The following CACNB2 variants were observed in gnomAD, a reference collection of about 807,000 sequenced individuals.
CACNB2 encodes voltage-dependent L-type calcium channel subunit beta-2.
A neutral mutation model predicts 73.3 loss-of-function variants in CACNB2; 42 were observed. That is an observed-to-expected ratio of 0.57 (90% CI 0.45 to 0.74). The LOEUF is 0.74. CACNB2 is among the 30% of genes least tolerant of loss of function. The pLI, the probability that CACNB2 is intolerant of heterozygous loss-of-function variation, is 0.00. For synonymous variants in CACNB2, 348 were observed against 310.3 expected, an observed-to-expected ratio of 1.12 and a Z score of -1.28; for missense variants, 940 against 853.0, an observed-to-expected ratio of 1.10 and a Z score of -1.27.
At chr10:18,173,373 A>G (rs975461416) in intron 2 of CACNB2, among the ~76,000 whole-genome samples, 8 of 152,324 alleles carry the variant, frequency 5.3e-5, no homozygotes, top group Middle Eastern at 3.4e-3. Context: ...CCATTTGTAC[A>G]TTACCTAGTG....
In CACNB2 at chr10:18,417,041, A is replaced by G. The variant is rs369095743; in HGVS notation, c.333+14998A>G. On this transcript the variant is annotated intron_variant, in intron 3 of 13. Transcript: ENST00000324631. ...GAAAGCAGAAAGTGCATTAAAAAAA[A>G]AAAGACACCAGCTGAGAATGCATTA... is the stretch of plus-strand genomic sequence containing the variant. Among the ~76,000 whole-genome samples, 8 of 152,136 alleles carry G rather than the reference A, an allele frequency of 5.3e-5. No individual in the cohort carries two copies. In the East Asian group the frequency reaches 1.2e-3, roughly 22 times the overall value.
At chr10:18,410,185 C>G (rs555911488) in intron 3 of CACNB2, among the ~76,000 whole-genome samples, 5 of 152,292 alleles carry the variant, frequency 3.3e-5, no homozygotes, top group East Asian at 1.9e-4. Context: ...CTAACACTTT[C>G]TACTCTGCTA....
At chr10:18,527,310 A>C (rs978892590) in intron 9 of CACNB2, among the ~76,000 whole-genome samples, 1 of 152,098 alleles carries the variant, frequency 6.6e-6, no homozygotes, top group East Asian at 1.9e-4. Flanking sequence ...TGAAAGGTGG[A>C]GATTGCAGTG....
At chr10:18,537,215 C>T (rs1023978534) in intron 12 of CACNB2, among the ~76,000 whole-genome samples, 4 of 151,944 alleles carry the variant, frequency 2.6e-5, no homozygotes, top group African/African-American at 7.2e-5. Flanking sequence ...CTCAAACTCC[C>T]GACCTCAAGT....
intron 5 of CACNB2, among the ~76,000 whole-genome samples, chr10:18,505,659 GTTC>G (rs200779454): frequency 7.9e-5 from 12 of 152,116 alleles, no homozygotes; most frequent in Admixed American, 2.0e-4. Context: ...AATGTAAAAT[GTTC>G]TTCTTATCTT....
At chr10:18,399,470 A>C (rs1295627106) in intron 2 of CACNB2, among the ~76,000 whole-genome samples, 1 of 152,038 alleles carries the variant, frequency 6.6e-6, no homozygotes, top group Non-Finnish European at 1.5e-5. Flanking sequence ...TATTCTACGT[A>C]TTTTCTAGTA....
At chr10:18,407,828 T>G (rs1169741195) in intron 3 of CACNB2, among the ~76,000 whole-genome samples, 1 of 152,212 alleles carries the variant, frequency 6.6e-6, no homozygotes, top group Non-Finnish European at 1.5e-5. Flanking sequence ...TATAGCTTCT[T>G]GTTTTTATTC....
Position 18,211,708 on chromosome 10 carries a change from A to G in CACNB2, c.213+60733A>G, listed in dbSNP as rs189997399. ...CGGAATACTGTAGTGTGCTGCTCAC[A>G]CCTCTCTTGCTGCTAAACCTGATGG... On this transcript the variant is annotated intron_variant, in intron 2 of 13. Coordinates refer to ENST00000324631, the MANE Select transcript of CACNB2 (RefSeq NM_201596.3). Among the ~76,000 whole-genome samples, 745 of 152,232 alleles carry G rather than the reference A, an allele frequency of 4.9e-3. 6 individuals carry two copies. Among genetic ancestry groups the G allele is most frequent in the African/African-American group, 0.016 (660 of 41,540 alleles).
intron 2 of CACNB2, among the ~76,000 whole-genome samples, chr10:18,370,254 C>T (rs555668537): frequency 1.3e-5 from 2 of 152,274 alleles, no homozygotes; most frequent in Non-Finnish European, 2.9e-5. Context: ...CCGGCATTAC[C>T]GTGGAGCTTG....
intron 3 of CACNB2, among the ~76,000 whole-genome samples, chr10:18,425,597 G>A (rs1315365445): frequency 6.6e-6 from 1 of 152,088 alleles, no homozygotes; most frequent in African/African-American, 2.4e-5. Flanking sequence ...GAGCCCAGGA[G>A]GTCAAGGCTG....
chr10:18,464,418 T>TAAAATAAAAAAAA (rs1554824204), intron 3 of CACNB2, among the ~76,000 whole-genome samples: 23 of 85,284 alleles, frequency 2.7e-4, no homozygotes, highest in South Asian at 5.3e-4. Flanking sequence ...TCTCAAAAAT[T>TAAAATAAAAAAAA]AAAAAAAAAA....
intron 2 of CACNB2, among the ~76,000 whole-genome samples, chr10:18,390,355 GGCACCC>G (rs1278320581): frequency 3.3e-5 from 5 of 152,164 alleles, no homozygotes; most frequent in African/African-American, 1.2e-4. Context: ...TGGGACTACA[GGCACCC>G]GCCACCATGC....
chr10:18,356,487 T>G, intron 2 of CACNB2, among the ~76,000 whole-genome samples: 1 of 152,226 alleles, frequency 6.6e-6, no homozygotes, highest in East Asian at 1.9e-4. Context: ...CCTAAACATC[T>G]CTGTGGTTCT....
intron 2 of CACNB2, among the ~76,000 whole-genome samples, chr10:18,341,943 T>A (rs539256700): frequency 2.0e-5 from 3 of 152,208 alleles, no homozygotes; most frequent in Non-Finnish European, 4.4e-5. Flanking sequence ...GAGTTGGCCC[T>A]CATTAAGTAT....
intron 2 of CACNB2, among the ~76,000 whole-genome samples, chr10:18,374,391 G>A (rs2042709337): frequency 6.6e-6 from 1 of 152,124 alleles, no homozygotes; most frequent in Admixed American, 6.6e-5. Context: ...GAGTATAAAG[G>A]GGAACAGGTG....
chr10:18,175,249 G>A (rs147379033), intron 2 of CACNB2, among the ~76,000 whole-genome samples: 10 of 152,270 alleles, frequency 6.6e-5, no homozygotes, highest in African/African-American at 2.2e-4. Flanking sequence ...TGCGTCTTTC[G>A]TTGTCCACAC....
chr10:18,472,652 C>G (rs904040539), intron 3 of CACNB2, among the ~76,000 whole-genome samples: 1 of 152,148 alleles, frequency 6.6e-6, no homozygotes, highest in Non-Finnish European at 1.5e-5. Flanking sequence ...GCTTTAGTGT[C>G]TTTGGTTTAA....
intron 3 of CACNB2, among the ~76,000 whole-genome samples, chr10:18,451,568 T>C (rs1005792687): frequency 1.3e-5 from 2 of 152,228 alleles, no homozygotes; most frequent in African/African-American, 4.8e-5. Flanking sequence ...TTTAGGGCTG[T>C]GTTTTTCCGA....
chr10:18,376,592 C>G (rs1326318133), intron 2 of CACNB2, among the ~76,000 whole-genome samples: 1 of 152,168 alleles, frequency 6.6e-6, no homozygotes, highest in East Asian at 1.9e-4. Flanking sequence ...AGCACTTTCT[C>G]TTACAGGCTT....
Sources: allele counts gnomAD v4.1 joint callset (sites outside exome capture counted in the v4.1 genomes callset), GRCh38; gene constraint gnomAD v4.1.1; transcripts MANE v1.5; gene names NCBI Gene and HGNC (gene_info 2026-07-23, HGNC 2026-07-21).